LDLRAD4: variants seen among roughly 807,000 people sequenced by gnomAD.
The protein encoded by LDLRAD4 is low density lipoprotein receptor class A domain containing 4, also known as low-density lipoprotein receptor class A domain-containing protein 4.
A neutral mutation model predicts 17.0 loss-of-function variants in LDLRAD4; 5 were observed. The ratio of observed to expected loss-of-function variants is 0.29; its 90% CI spans 0.15 to 0.62. LDLRAD4 has a LOEUF of 0.62. Ranked by LOEUF, LDLRAD4 falls within the 20% of genes least tolerant of loss-of-function variation. LDLRAD4 has a pLI of 0.84. For synonymous variants in LDLRAD4, 168 were observed against 171.8 expected (o/e 0.98, Z 0.17); for missense variants, 340 against 424.7 (o/e 0.80, Z 1.75).
At position 13,419,728 on chromosome 18, in the gene LDLRAD4, A is replaced by T. The variant is rs531101956; in HGVS notation, c.41-18516A>T. Reference sequence around the variant, plus strand: ...AGCCTCTCCCTTCTTTGCACCTGAAATTTCTCAGCTCTAAAATAAGGGAAT... The same window carrying T: ...AGCCTCTCCCTTCTTTGCACCTGAATTTTCTCAGCTCTAAAATAAGGGAAT... On this transcript the variant is annotated intron_variant, in intron 2 of 5. Coordinates refer to ENST00000359446, the Ensembl canonical transcript of LDLRAD4. The T allele has an allele frequency of 2.6e-5, 4 of 152,244 alleles. No homozygotes were observed. In the South Asian group the frequency reaches 8.3e-4, roughly 32 times the overall value. 9.4% of individuals were successfully genotyped at this position (152,244 alleles called of 1,614,324 possible).
At chr18:13,552,595 C>T (rs976175150) in intron 3 of LDLRAD4, among the ~76,000 whole-genome samples, 5 of 152,154 alleles carry the variant, frequency 3.3e-5, no homozygotes, top group African/African-American at 1.2e-4. Flanking sequence ...ATGGCCAGGG[C>T]TCACCCTCCT....
At chr18:13,268,343 T>C (rs1385392535) in intron 1 of LDLRAD4, among the ~76,000 whole-genome samples, 2 of 152,222 alleles carry the variant, frequency 1.3e-5, no homozygotes, top group African/African-American at 4.8e-5. Context: ...TGGTTTCATC[T>C]GAGCATCTGA....
intron 1 of LDLRAD4, among the ~76,000 whole-genome samples, chr18:13,353,232 A>G (rs2083146582): frequency 6.6e-6 from 1 of 151,930 alleles, no homozygotes. Context: ...AAAAATAACC[A>G]CTTCCTCCTG....
intron 1 of LDLRAD4, among the ~76,000 whole-genome samples, chr18:13,331,573 A>C (rs1379109897): frequency 1.3e-5 from 2 of 152,220 alleles, no homozygotes; most frequent in Non-Finnish European, 2.9e-5. Flanking sequence ...CGAGTTTTGC[A>C]TCTGGTGTTT....
rs566855686 is a variant in LDLRAD4 at position 13,322,904 on chromosome 18, C to T, written c.-383+44716C>T. On this transcript the variant is annotated intron_variant, in intron 1 of 5. Coordinates refer to ENST00000359446, the Ensembl canonical transcript of LDLRAD4. ...CCTCCCAAATTGCTGGCATTACAGG[C>T]GTGAGCCACTGCACCAGGCCATATT... Among the ~76,000 whole-genome samples, 9 of 152,014 alleles carry T rather than the reference C, an allele frequency of 5.9e-5. No homozygotes were observed. The East Asian group carries it at 1.7e-3, about 29-fold the overall frequency.
At chr18:13,426,095 A>T (rs2089912199) in intron 2 of LDLRAD4, 4 of 152,724 alleles carry the variant, frequency 2.6e-5, no homozygotes. Context: ...TCTCAACAGG[A>T]CATGCCCTCG....
intron 4 of LDLRAD4, among the ~76,000 whole-genome samples, chr18:13,636,111 A>G (rs1455002594): frequency 1.3e-5 from 2 of 152,206 alleles, no homozygotes; most frequent in African/African-American, 4.8e-5. Context: ...ATGTTCAAAC[A>G]GGAGTGATTG....
At chr18:13,644,524 C>T (rs986992897) in intron 5 of LDLRAD4, among the ~76,000 whole-genome samples, 2 of 150,182 alleles carry the variant, frequency 1.3e-5, no homozygotes, top group Admixed American at 6.6e-5. Context: ...GCCAAGATGG[C>T]GCCACTGCAC....
chr18:13,497,642 A>G (rs907660750), intron 3 of LDLRAD4, among the ~76,000 whole-genome samples: 1 of 152,226 alleles, frequency 6.6e-6, no homozygotes, highest in Non-Finnish European at 1.5e-5. Flanking sequence ...AAGAAGGTGC[A>G]AGTGGCTTTC....
chr18:13,525,704 C>T (rs973878202), intron 3 of LDLRAD4, among the ~76,000 whole-genome samples: 2 of 152,242 alleles, frequency 1.3e-5, no homozygotes, highest in African/African-American at 2.4e-5. Flanking sequence ...GGGTGGGAAC[C>T]AGAACTCCCG....
intron 3 of LDLRAD4, among the ~76,000 whole-genome samples, chr18:13,505,904 G>A (rs1250874058): frequency 2.0e-5 from 3 of 152,128 alleles, no homozygotes; most frequent in African/African-American, 4.8e-5. Context: ...GATCCCTAGT[G>A]GTCTGAGCGG....
chr18:13,452,988 C>T (rs1231116860), intron 3 of LDLRAD4, among the ~76,000 whole-genome samples: 1 of 148,884 alleles, frequency 6.7e-6, no homozygotes, highest in Non-Finnish European at 1.5e-5. Flanking sequence ...TGCAAATGAC[C>T]AGGGAGAGAA....
intron 3 of LDLRAD4, among the ~76,000 whole-genome samples, chr18:13,474,331 G>T (rs1276236992): frequency 6.6e-6 from 1 of 152,186 alleles, no homozygotes; most frequent in Non-Finnish European, 1.5e-5. Flanking sequence ...AGCCCCTGCA[G>T]CCCTTGGGCT....
intron 4 of LDLRAD4, among the ~76,000 whole-genome samples, chr18:13,626,239 A>G (rs1203701518): frequency 6.6e-6 from 1 of 152,222 alleles, no homozygotes; most frequent in Non-Finnish European, 1.5e-5. Flanking sequence ...ACTTCTGAGC[A>G]TTGAGACTGT....
chr18:13,409,296 C>T (rs562189021), intron 2 of LDLRAD4, among the ~76,000 whole-genome samples: 2 of 152,266 alleles, frequency 1.3e-5, no homozygotes, highest in South Asian at 2.1e-4. Flanking sequence ...TGCCTCCCCT[C>T]CCAGGGAAGG....
intron 1 of LDLRAD4, among the ~76,000 whole-genome samples, chr18:13,332,618 C>A (rs1237290574): frequency 6.6e-6 from 1 of 152,200 alleles, no homozygotes; most frequent in African/African-American, 2.4e-5. Context: ...CATAGTTTTG[C>A]CTTTTCCAGA....
intron 1 of LDLRAD4, among the ~76,000 whole-genome samples, chr18:13,320,437 C>G (rs1375553050): frequency 1.3e-5 from 2 of 152,198 alleles, no homozygotes; most frequent in African/African-American, 4.8e-5. Flanking sequence ...TTAACCCTGT[C>G]TGAGCCTGCT....
intron 1 of LDLRAD4, 33 bp downstream of exon 2, chr18:13,278,221 A>T (rs1788753944): frequency 6.6e-6 from 1 of 152,198 alleles, no homozygotes; most frequent in Non-Finnish European, 1.5e-5. Flanking sequence ...GTTCTTTGTG[A>T]TGATGTCTGG....
Position 13,527,923 on chromosome 18 carries a change from C to T in LDLRAD4, c.181+89539C>T, listed in dbSNP as rs577707310. Among the ~76,000 whole-genome samples, 4 of 152,310 alleles carry T rather than the reference C, an allele frequency of 2.6e-5. No homozygotes were observed. In the East Asian group the frequency reaches 5.8e-4, roughly 22 times the overall value. On this transcript the variant is annotated intron_variant, in intron 3 of 5. Transcript: ENST00000359446. Reference sequence around the variant, plus strand: ...CATGGACACCCATTCTCAAAGCTTGCCTCCTGCTTTAGCCTGGCTTGACGT... The same window carrying T: ...CATGGACACCCATTCTCAAAGCTTGTCTCCTGCTTTAGCCTGGCTTGACGT...
Sources: allele counts gnomAD v4.1 joint callset (sites outside exome capture counted in the v4.1 genomes callset), GRCh38; gene constraint gnomAD v4.1.1; transcripts MANE v1.5; gene names NCBI Gene and HGNC (gene_info 2026-07-23, HGNC 2026-07-21).